The following ARID1B variants were observed in gnomAD, a reference collection of about 807,000 sequenced individuals.
The protein encoded by ARID1B is AT-rich interaction domain 1B, also known as AT-rich interactive domain-containing protein 1B.
Under a neutral mutation model 212.3 loss-of-function variants are expected in ARID1B, and 30 were observed. The ratio of observed to expected loss-of-function variants is 0.14; its 90% CI spans 0.11 to 0.19. ARID1B has a LOEUF of 0.19. Among genes scored for constraint, ARID1B ranks in the 10% least tolerant of loss-of-function variants. The probability of loss-of-function intolerance (pLI) is 1.00; values close to 1 mark genes in which losing one functional copy is unlikely to be tolerated. For missense variants in ARID1B, 2,891 were observed against 3,204.0 expected, an observed-to-expected ratio of 0.90 and a Z score of 2.36; for synonymous variants, 1,402 against 1,301.7, an observed-to-expected ratio of 1.08 and a Z score of -1.66.
intron 4 of ARID1B, among the ~76,000 whole-genome samples, chr6:156,968,692 T>C (rs1776707680): frequency 6.6e-6 from 1 of 152,222 alleles, no homozygotes; most frequent in Non-Finnish European, 1.5e-5. Flanking sequence ...GTTAGTTGGA[T>C]CTGGGTTTGA....
At chr6:156,890,341 C>T (rs553557699) in intron 2 of ARID1B, among the ~76,000 whole-genome samples, 32 of 152,232 alleles carry the variant, frequency 2.1e-4, no homozygotes, top group African/African-American at 7.2e-4. Flanking sequence ...AATCTTATAT[C>T]GTGTGTACCC....
At chr6:157,060,636 T>C (rs1160290299) in intron 4 of ARID1B, among the ~76,000 whole-genome samples, 1 of 145,454 alleles carries the variant, frequency 6.9e-6, no homozygotes, top group East Asian at 2.0e-4. Context: ...TGAACTTTTT[T>C]TTTTTTTTTT....
rs781571296 is a variant in ARID1B, at chr6:156,778,064, G to C, written c.384G>C (p.Ala128=). ...CCTCCTCCTCCTCCGCGGCGGCAGCGGCGGCATCCTCTTCCTCCTCGTCGG... is the reference window on the plus strand; with the variant it reads ...CCTCCTCCTCCTCCGCGGCGGCAGCCGCGGCATCCTCTTCCTCCTCGTCGG... ...SSSSSSSAAA[A]AASSSSSSGP... Residue 128 remains alanine (A), a synonymous_variant, in exon 1 of 20, where the codon GCG becomes GCC. Transcript: ENST00000636930. 1.3e-6 allele frequency: 2 copies of C among 1,538,064 alleles called. No homozygotes were observed. Among genetic ancestry groups the C allele is most frequent in the Non-Finnish European group, 1.7e-6 (2 of 1,146,210 alleles).
At chr6:156,917,143 T>A (rs1204520167) in intron 3 of ARID1B, among the ~76,000 whole-genome samples, 4 of 152,194 alleles carry the variant, frequency 2.6e-5, no homozygotes, top group Admixed American at 1.3e-4. Flanking sequence ...CATTTTTTTT[T>A]TAGAGAGTAT....
chr6:156,900,722 A>G (rs913490941), intron 2 of ARID1B, among the ~76,000 whole-genome samples: 1 of 152,210 alleles, frequency 6.6e-6, no homozygotes, highest in Non-Finnish European at 1.5e-5. Flanking sequence ...TTTTAGGCTG[A>G]TGTAAATTAG....
intron 1 of ARID1B, among the ~76,000 whole-genome samples, chr6:156,788,952 T>C (rs1448015033): frequency 6.6e-6 from 1 of 152,202 alleles, no homozygotes; most frequent in African/African-American, 2.4e-5. Context: ...TATCATAGAC[T>C]CCTGGTGTTT....
chr6:156,946,586 G>A (rs977447478), intron 4 of ARID1B, among the ~76,000 whole-genome samples: 2 of 151,934 alleles, frequency 1.3e-5, no homozygotes, highest in East Asian at 3.9e-4. Flanking sequence ...CTTCATTTTC[G>A]AAATGCTGTC....
chr6:157,089,051 A>G (rs1230814430), intron 5 of ARID1B, among the ~76,000 whole-genome samples: 2 of 151,932 alleles, frequency 1.3e-5, no homozygotes, highest in East Asian at 1.9e-4. Context: ...CCTCCTCTCC[A>G]TGTCTCACAG....
intron 1 of ARID1B, among the ~76,000 whole-genome samples, chr6:156,794,984 A>G (rs987209379): frequency 3.3e-5 from 5 of 152,308 alleles, no homozygotes; most frequent in South Asian, 2.1e-4. Context: ...GGAGGGTGGC[A>G]TTGGGATTTT....
chr6:156,926,283 A>C (rs540447116), intron 3 of ARID1B, among the ~76,000 whole-genome samples: 4 of 152,190 alleles, frequency 2.6e-5, no homozygotes, highest in Admixed American at 6.5e-5. Flanking sequence ...AATTTGGTTA[A>C]GATCATGGAG....
chr6:157,137,122 A>G (rs1211036008), intron 7 of ARID1B, among the ~76,000 whole-genome samples: 3 of 150,400 alleles, frequency 2.0e-5, no homozygotes, highest in Non-Finnish European at 4.4e-5. Flanking sequence ...TTGAGGCTGC[A>G]GTGAGCTCTG....
intron 8 of ARID1B, chr6:157,150,713 G>C (rs551650804): frequency 1.1e-5 from 2 of 177,582 alleles, no homozygotes. Flanking sequence ...CTGTTCTTCT[G>C]TTCCACTTTA....
At chr6:156,965,549 A>G (rs1794684179) in intron 4 of ARID1B, among the ~76,000 whole-genome samples, 1 of 152,260 alleles carries the variant, frequency 6.6e-6, no homozygotes, top group South Asian at 2.1e-4. Context: ...TAATAGTTGT[A>G]GAAAGAGTAG....
intron 2 of ARID1B, among the ~76,000 whole-genome samples, chr6:156,885,474 C>A (rs1257740460): frequency 6.6e-6 from 1 of 152,066 alleles, no homozygotes; most frequent in Non-Finnish European, 1.5e-5. Context: ...AAAATTCTAC[C>A]TTCAGTAAGT....
At chr6:156,870,900 C>T (rs1442565837) in intron 2 of ARID1B, among the ~76,000 whole-genome samples, 3 of 152,202 alleles carry the variant, frequency 2.0e-5, no homozygotes. Flanking sequence ...AGTAATGATT[C>T]TGTATCCAAA....
intron 4 of ARID1B, among the ~76,000 whole-genome samples, chr6:157,048,912 G>T (rs1356356055): frequency 6.6e-6 from 1 of 152,148 alleles, no homozygotes; most frequent in Admixed American, 6.5e-5. Flanking sequence ...AGTGGCTCAC[G>T]CCTGTAATCC....
intron 3 of ARID1B, among the ~76,000 whole-genome samples, chr6:156,919,246 C>T (rs190178135): frequency 1.5e-4 from 23 of 151,938 alleles, no homozygotes; most frequent in Admixed American, 3.3e-4. Context: ...CTTCTAGTAT[C>T]GAAGCATTTT....
At chr6:157,060,577 T>C (rs905468917) in intron 4 of ARID1B, among the ~76,000 whole-genome samples, 4 of 150,438 alleles carry the variant, frequency 2.7e-5, no homozygotes, top group African/African-American at 9.8e-5. Context: ...GGTTAACATA[T>C]AGATTTAAAC....
At chr6:156,900,414 G>A (rs988108733) in intron 2 of ARID1B, among the ~76,000 whole-genome samples, 2 of 152,042 alleles carry the variant, frequency 1.3e-5, no homozygotes, top group Admixed American at 1.3e-4. Flanking sequence ...AGTGGATTTG[G>A]GTTTTAAGTG....
Sources: gnomAD v4.1 joint callset for allele counts (sites outside exome capture counted in the v4.1 genomes callset) on GRCh38, gnomAD v4.1.1 for gene constraint, MANE v1.5 for transcripts, NCBI Gene and HGNC (gene_info 2026-07-23, HGNC 2026-07-21) for gene names.